The following ANKRD37 variants were observed in gnomAD, a reference collection of about 807,000 sequenced individuals.
The protein encoded by ANKRD37 is ankyrin repeat domain 37, also known as ankyrin repeat domain-containing protein 37.
Under a neutral mutation model 19.7 loss-of-function variants are expected in ANKRD37, and 17 were observed. The ratio of observed to expected loss-of-function variants is 0.86; its 90% CI spans 0.59 to 1.29. The LOEUF is 1.29. ANKRD37 is among the 50% of genes most tolerant of loss of function. ANKRD37 has a pLI of 0.00. For synonymous variants in ANKRD37, 79 were observed against 74.5 expected (o/e 1.06, Z -0.31); for missense variants, 207 against 190.4 (o/e 1.09, Z -0.51).
chr4:185,398,118 C>T (rs951298012), intron 2 of ANKRD37, among the ~76,000 whole-genome samples: 2 of 152,048 alleles, frequency 1.3e-5, no homozygotes, highest in African/African-American at 4.8e-5. Context: ...CCACCGTGCC[C>T]GGCTAATTTG....
chr4:185,399,900 AGT>A, intron 4 of ANKRD37, 115 bp from the exon 5 acceptor site: 1 of 1,540,806 alleles, frequency 6.5e-7, no homozygotes, highest in Non-Finnish European at 8.7e-7. Flanking sequence ...TTAACATTTT[AGT>A]ACTGGTTATA....
At position 185,399,046 on chromosome 4, in the gene ANKRD37, G is replaced by C; in HGVS notation, c.272+18G>C. The C allele has an allele frequency of 6.2e-7, 1 of 1,604,200 alleles. No homozygotes were observed. Among genetic ancestry groups the C allele is most frequent in the South Asian group, 1.1e-5 (1 of 90,814 alleles). On this transcript the variant is annotated intron_variant, in intron 3 of 4. Coordinates refer to ENST00000335174, the MANE Select transcript of ANKRD37 (RefSeq NM_181726.4). ...CAAATTGAGTGAGTATGAAAACAGT[G>C]GCTTCACATTTTATGTTTTCTTGGA...
rs527856231 is a variant in ANKRD37, at chr4:185,398,140, TAG to T, written c.181-793_181-792del. Among the ~76,000 whole-genome samples, 790 of 152,228 alleles carry T rather than the reference TAG, an allele frequency of 5.2e-3. 7 individuals carry two copies. The highest frequency in any genetic ancestry group is 0.018 in the African/African-American group (731 of 41,528). On this transcript the variant is annotated intron_variant, in intron 2 of 4. Transcript: ENST00000335174. ...GCCCGGCTAATTTGTGTATTTTTAG[TAG>T]AGACAGGGTTTCACCATGTTGGCCA...
chr4:185,397,084 C>G (rs1385476766), intron 1 of ANKRD37, 66 bp from the exon 2 acceptor site: 1 of 1,609,778 alleles, frequency 6.2e-7, no homozygotes, highest in Non-Finnish European at 8.5e-7. Context: ...GGGGAGGTTT[C>G]CAGCCCGGAG....
rs758926813 is a variant in ANKRD37 at position 185,397,198 on chromosome 4, C to T, written c.76C>T (p.Pro26Ser). 9 of 1,613,948 alleles carry T rather than the reference C, an allele frequency of 5.6e-6. No homozygotes were observed. The highest frequency in any genetic ancestry group is 7.6e-6 in the Non-Finnish European group (9 of 1,180,030). ...GGAGACAGGGGCCTCGGTCAACGCA[C>T]CCCCGGATCCCTGCAAGCAGTCGCC... is the stretch of plus-strand genomic sequence containing the variant. ...LLETGASVNA[P>S]PDPCKQSPVH... The change falls in exon 2 of 5, where the codon CCC becomes TCC. Residue 26 changes from proline (P) to serine (S), a missense_variant. Pro to Ser is a moderately conservative substitution (Grantham distance 74). Transcript: ENST00000335174.
intron 2 of ANKRD37, among the ~76,000 whole-genome samples, chr4:185,397,915 C>T (rs929668842): frequency 1.7e-4 from 26 of 152,148 alleles, no homozygotes; most frequent in African/African-American, 6.3e-4. Flanking sequence ...TCTGGAAGAA[C>T]TCTTTTTATT....
chr4:185,400,712 A>T (rs1481302751), downstream of ANKRD37: 2 of 384,256 alleles, frequency 5.2e-6, no homozygotes, highest in African/African-American at 4.2e-5. Context: ...ATTAAAAAAA[A>T]TTTACCTGTA....
At chr4:185,399,478 C>T in intron 3 of ANKRD37, 92 bp from the exon 4 acceptor site, 1 of 1,408,494 alleles carries the variant, frequency 7.1e-7, no homozygotes, top group South Asian at 1.3e-5. Flanking sequence ...CTGCAACCAA[C>T]ATTTGTATGA....
At chr4:185,400,387 A>G (rs776022961), downstream of ANKRD37, 297 of 1,607,254 alleles carry the variant, frequency 1.8e-4, no homozygotes, top group Non-Finnish European at 2.5e-4. Context: ...TGACTCCAAG[A>G]TATTTTAAAT....
chr4:185,399,827 A>C, intron 4 of ANKRD37, 54 bp downstream of exon 4: 10 of 1,606,602 alleles, frequency 6.2e-6, no homozygotes, highest in Non-Finnish European at 8.5e-6. Context: ...TCTTGTTTGC[A>C]TAGCATTTAT....
chr4:185,396,863 G>C lies in ANKRD37; in HGVS notation c.-61G>C. ...CCTGCGCATTCTTACCTGTCGGGGT[G>C]CGGCGAGTGTCTCACCTCTCTGCAC... On this transcript the variant is annotated 5_prime_UTR_variant, in exon 1 of 5. Coordinates refer to ENST00000335174, the MANE Select transcript of ANKRD37 (RefSeq NM_181726.4). 6.4e-7 allele frequency: 1 copy of C among 1,571,008 alleles called. No individual in the cohort carries two copies. The highest frequency in any genetic ancestry group is 8.7e-7 in the Non-Finnish European group (1 of 1,145,304).
chr4:185,399,451 C>T (rs761591476), intron 3 of ANKRD37, 119 bp from the exon 4 acceptor site: 78 of 1,079,438 alleles, frequency 7.2e-5, no homozygotes, highest in Non-Finnish European at 1.0e-4. Flanking sequence ...CCTTATGCAT[C>T]CTTTACCTCT....
rs890842048 is a variant in ANKRD37, at chr4:185,397,526, G to A, written c.180+224G>A. ...TTTTTAAGTAGCCACATTAATAAAC[G>A]AAACATGAAATTTTAGTATTTGACC... On this transcript the variant is annotated intron_variant, in intron 2 of 4. Coordinates refer to ENST00000335174, the MANE Select transcript of ANKRD37 (RefSeq NM_181726.4). The A allele has an allele frequency of 9.3e-6, 5 of 537,874 alleles. No homozygotes were observed. The African/African-American group carries it at 9.8e-5, about 11-fold the overall frequency. The allele number at this position is 537,874 out of a possible 1,614,324, so 33.3% of individuals were successfully genotyped here.
Position 185,396,887 on chromosome 4 carries a change from A to C in ANKRD37, c.-37A>C, listed in dbSNP as rs1050902374. The C allele has an allele frequency of 3.1e-6, 5 of 1,611,688 alleles. No homozygotes were observed. Among genetic ancestry groups the C allele is most frequent in the Non-Finnish European group, 4.2e-6 (5 of 1,179,394 alleles). On this transcript the variant is annotated 5_prime_UTR_variant, in exon 1 of 5. Coordinates refer to ENST00000335174, the MANE Select transcript of ANKRD37 (RefSeq NM_181726.4). ...TGCGGCGAGTGTCTCACCTCTCTGC[A>C]CTTCCAAGGACTCTTGTCATCTGCC...
chr4:185,400,574 A>G, downstream of ANKRD37: 2 of 789,970 alleles, frequency 2.5e-6, no homozygotes, highest in Non-Finnish European at 4.1e-6. Flanking sequence ...GGACCTTGGA[A>G]TAAGACTCTA....
At chr4:185,397,038 C>A in intron 1 of ANKRD37, 88 bp downstream of exon 1, 4 of 1,609,786 alleles carry the variant, frequency 2.5e-6, no homozygotes, top group Non-Finnish European at 3.4e-6. Flanking sequence ...GGACGGACCA[C>A]TGGGCGCTGC....
At chr4:185,400,495 G>A (rs2095512018), downstream of ANKRD37, 1 of 1,588,996 alleles carries the variant, frequency 6.3e-7, no homozygotes, top group African/African-American at 1.3e-5. Context: ...AGAGAAGACG[G>A]GAAAGGAAAG....
At position 185,397,313 on chromosome 4, in the gene ANKRD37, A is replaced by G. The variant is rs2095506007; in HGVS notation, c.180+11A>G. On this transcript the variant is annotated intron_variant, in intron 2 of 4. Coordinates refer to ENST00000335174, the MANE Select transcript of ANKRD37 (RefSeq NM_181726.4). ...GACCTCAACCAGCAGGTAACTAGGTAACTGTTGCTGTGTACAGCCGTCCCC... is the reference window on the plus strand; with the variant it reads ...GACCTCAACCAGCAGGTAACTAGGTGACTGTTGCTGTGTACAGCCGTCCCC... The G allele has an allele frequency of 1.2e-6, 2 of 1,613,356 alleles. No homozygotes were observed. The highest frequency in any genetic ancestry group is 2.7e-5 in the African/African-American group (2 of 74,938).
rs1477578576 is a variant in ANKRD37, at chr4:185,399,656, A to C, written c.359A>C (p.Lys120Thr). The C allele has an allele frequency of 6.2e-7, 1 of 1,614,182 alleles. No homozygotes were observed. The highest frequency in any genetic ancestry group is 8.5e-7 in the Non-Finnish European group (1 of 1,180,024). ...TGTGCCAAGTTTCTTACAACAATTAAATGTATGCAGACAATAAAAGCAAGT... is the reference window on the plus strand; with the variant it reads ...TGTGCCAAGTTTCTTACAACAATTACATGTATGCAGACAATAAAAGCAAGT... ...PDCAKFLTTI[K>T]CMQTIKASEH... The change falls in exon 4 of 5, where the codon AAA (lysine) becomes ACA (threonine). Residue 120 changes from lysine (K) to threonine (T), a missense_variant. Physicochemically the swap from Lys to Thr is moderately conservative, Grantham distance 78. Coordinates refer to ENST00000335174, the MANE Select transcript of ANKRD37 (RefSeq NM_181726.4).
Sources: allele counts gnomAD v4.1 joint callset (sites outside exome capture counted in the v4.1 genomes callset), GRCh38; gene constraint gnomAD v4.1.1; transcripts MANE v1.5; gene names NCBI Gene and HGNC (gene_info 2026-07-23, HGNC 2026-07-21).